Variants in NUMBL observed in about 807,000 individuals in gnomAD.
NUMBL encodes numb-like protein.
In NUMBL, 20 loss-of-function variants were observed where a neutral mutation model predicts 48.9. The ratio of observed to expected loss-of-function variants is 0.41; its 90% CI spans 0.29 to 0.59. The LOEUF (loss-of-function observed/expected upper bound fraction) is 0.59, where lower values mean the gene tolerates loss of function less well. Among genes scored for constraint, NUMBL ranks in the 20% least tolerant of loss-of-function variants. NUMBL has a pLI of 0.31. For synonymous variants in NUMBL, 340 were observed against 348.7 expected (o/e 0.98, Z 0.28); for missense variants, 660 against 846.2 (o/e 0.78, Z 2.73).
In NUMBL at chr19:40,673,242, T is replaced by C. The variant is rs912011518; in HGVS notation, c.1036+102A>G. 4.9e-6 allele frequency: 6 copies of C among 1,225,318 alleles called. No individual in the cohort carries two copies. Among genetic ancestry groups the C allele is most frequent in the Non-Finnish European group, 5.6e-6 (5 of 895,552 alleles). 75.9% of individuals were successfully genotyped at this position (1,225,318 alleles called of 1,614,324 possible). ...TCTCTCCTTTGCCCATGGCAGACAG[T>C]GCAAATCAATCACAGTGTGAACCAT... On this transcript the variant is annotated intron_variant, in intron 8 of 9. Coordinates refer to ENST00000252891, the MANE Select transcript of NUMBL (RefSeq NM_004756.5). The surrounding 1 kb of genome is among the most constrained non-coding windows in gnomAD (Gnocchi z 5.9).
At position 40,667,479 on chromosome 19, in the gene NUMBL, T is replaced by C. The variant is rs921925780; in HGVS notation, c.1819A>G (p.Ile607Val). ...FSGDLQKTFEIEL is the reference protein window; with the variant it reads ...FSGDLQKTFEVEL ...TGGGGCGGCTCGGGCTACAGTTCAATCTCGAATGTCTTTTGCAGGTCGCCA... is the reference window on the plus strand; with the variant it reads ...TGGGGCGGCTCGGGCTACAGTTCAACCTCGAATGTCTTTTGCAGGTCGCCA... The change falls in exon 10 of 10, where the codon ATT becomes GTT. Residue 607 changes from isoleucine to valine, a missense_variant. Transcript: ENST00000252891. The surrounding 1 kb of genome is among the most constrained non-coding windows in gnomAD (Gnocchi z 6.1). The C allele has an allele frequency of 2.7e-5, 44 of 1,603,120 alleles. No individual in the cohort carries two copies. Among genetic ancestry groups the C allele is most frequent in the Non-Finnish European group, 3.7e-5 (43 of 1,175,276 alleles).
chr19:40,678,264 G>A (rs1234148676), intron 6 of NUMBL, among the ~76,000 whole-genome samples: 1 of 152,154 alleles, frequency 6.6e-6, no homozygotes, highest in Non-Finnish European at 1.5e-5. Context: ...CCGGCTTCAA[G>A]CGATTCTCCT....
At chr19:40,677,107 C>T (rs2081880248) in intron 7 of NUMBL, 125 bp downstream of exon 7, 1 of 1,054,536 alleles carries the variant, frequency 9.5e-7, no homozygotes, top group Non-Finnish European at 1.4e-6. Flanking sequence ...AACCATGGCG[C>T]TTGGCCTGAA....
At chr19:40,671,248 G>T (rs897178869) in intron 8 of NUMBL, among the ~76,000 whole-genome samples, 1 of 152,020 alleles carries the variant, frequency 6.6e-6, no homozygotes, top group African/African-American at 2.4e-5. Flanking sequence ...CAAAGTGCTG[G>T]GATTACAGGT....
intron 6 of NUMBL, among the ~76,000 whole-genome samples, chr19:40,680,679 G>A (rs1036929297): frequency 1.3e-5 from 2 of 152,066 alleles, no homozygotes; most frequent in Admixed American, 1.3e-4. Context: ...GAACTCCTGA[G>A]CTCAGGCAAT....
chr19:40,668,164 G>A (rs1404636892), intron 9 of NUMBL, 26 bp from the exon 10 acceptor site: 1 of 1,561,398 alleles, frequency 6.4e-7, no homozygotes, highest in East Asian at 2.3e-5. Context: ...GGACAGGTGA[G>A]GGAGGGGGCA....
At chr19:40,674,163 C>T (rs559329874) in intron 7 of NUMBL, among the ~76,000 whole-genome samples, 1 of 152,246 alleles carries the variant, frequency 6.6e-6, no homozygotes, top group East Asian at 1.9e-4. Context: ...TGACTCTGGA[C>T]CCCATGCTCC....
At chr19:40,676,935 CT>C (rs2081879255) in intron 7 of NUMBL, among the ~76,000 whole-genome samples, 1 of 152,086 alleles carries the variant, frequency 6.6e-6, no homozygotes, top group African/African-American at 2.4e-5. Flanking sequence ...CTGCCTCAGC[CT>C]CCCAAGTAGT....
At chr19:40,676,347 C>G (rs139564072) in intron 7 of NUMBL, among the ~76,000 whole-genome samples, 1 of 151,954 alleles carries the variant, frequency 6.6e-6, no homozygotes, top group African/African-American at 2.4e-5. Context: ...GAGCTGTGAT[C>G]GCACCACTGC....
Position 40,667,789 on chromosome 19 carries a change from G to T in NUMBL, c.1509C>A (p.Pro503=). ...AYPGLGYPPM[P]RVPVVGITPS... ...GTGTGATGCCCACCACGGGCACCCG[G>T]GGCATCGGTGGGTAGCCCAAGCCCG... Residue 503 remains proline (P), a synonymous_variant, in exon 10 of 10, where the codon CCC becomes CCA. Transcript: ENST00000252891. This position sits in a 1 kb window ranked among gnomAD's most constrained non-coding sequence, Gnocchi z 6.1. 1.3e-6 allele frequency: 2 copies of T among 1,581,490 alleles called. No homozygotes were observed. Among genetic ancestry groups the T allele is most frequent in the East Asian group, 4.6e-5 (2 of 43,082 alleles).
Position 40,687,312 on chromosome 19 carries a change from A to C in NUMBL, c.25-317T>G, listed in dbSNP as rs1309936072. ...CTACACACATACGCAGCCAACTCATATCTACAGGTGTCCCTAGCATCTGGC... is the reference window on the plus strand; with the variant it reads ...CTACACACATACGCAGCCAACTCATCTCTACAGGTGTCCCTAGCATCTGGC... On this transcript the variant is annotated intron_variant, in intron 1 of 9. Transcript: ENST00000252891. The surrounding 1 kb of genome is among the most constrained non-coding windows in gnomAD (Gnocchi z 4.6). Among the ~76,000 whole-genome samples, 1 of 152,164 alleles carries C rather than the reference A, an allele frequency of 6.6e-6. No individual in the cohort carries two copies. The highest frequency in any genetic ancestry group is 2.4e-5 in the African/African-American group (1 of 41,424).
At chr19:40,681,543 G>T (rs976720067) in intron 5 of NUMBL, among the ~76,000 whole-genome samples, 3 of 152,176 alleles carry the variant, frequency 2.0e-5, no homozygotes, top group African/African-American at 7.2e-5. Context: ...CAGATTCAAG[G>T]TGAGCAAACA....
chr19:40,668,525 C>G (rs922931486), intron 9 of NUMBL, among the ~76,000 whole-genome samples: 1 of 152,174 alleles, frequency 6.6e-6, no homozygotes, highest in Non-Finnish European at 1.5e-5. Context: ...GATGCCCTAT[C>G]TGGGCTCACT....
chr19:40,669,879 G>A lies in NUMBL; in HGVS notation c.1159+19C>T. ...GAGGGACATGCAGGGTGTCTGCCCA[G>A]CAGAAAGCCTGGCTTTACCTGTTGT... On this transcript the variant is annotated intron_variant, in intron 9 of 9. Transcript: ENST00000252891. 1 of 1,610,850 alleles carries A rather than the reference G, an allele frequency of 6.2e-7. No individual in the cohort carries two copies. Among genetic ancestry groups the A allele is most frequent in the Non-Finnish European group, 8.5e-7 (1 of 1,178,374 alleles).
chr19:40,667,123 A>C lies in NUMBL; in HGVS notation c.*345T>G. ...CCCCTCCATCCTGTCCAACACTGGA[A>C]GGTGGGGGTCAACAGAAACTGGGAA... On this transcript the variant is annotated 3_prime_UTR_variant, in exon 10 of 10. Coordinates refer to ENST00000252891, the MANE Select transcript of NUMBL (RefSeq NM_004756.5). This position sits in a 1 kb window ranked among gnomAD's most constrained non-coding sequence, Gnocchi z 6.1. 1 of 318,228 alleles carries C rather than the reference A, an allele frequency of 3.1e-6. No homozygotes were observed. Among genetic ancestry groups the C allele is most frequent in the Non-Finnish European group, 6.0e-6 (1 of 166,286 alleles). 19.7% of individuals were successfully genotyped at this position (318,228 alleles called of 1,614,324 possible).
chr19:40,687,949 G>A lies in NUMBL; in HGVS notation c.25-954C>T, dbSNP rs2081943226. ...CGTGGTCACACATACTCAGTCATAG[G>A]TGCTCAAATCTGGTCACAGCATCAG... On this transcript the variant is annotated intron_variant, in intron 1 of 9. Coordinates refer to ENST00000252891, the MANE Select transcript of NUMBL (RefSeq NM_004756.5). The surrounding 1 kb of genome is among the most constrained non-coding windows in gnomAD (Gnocchi z 4.6). Among the ~76,000 whole-genome samples, 1 of 152,172 alleles carries A rather than the reference G, an allele frequency of 6.6e-6. No individual in the cohort carries two copies. The highest frequency in any genetic ancestry group is 6.5e-5 in the Admixed American group (1 of 15,280).
intron 7 of NUMBL, among the ~76,000 whole-genome samples, chr19:40,676,462 G>C (rs1271862098): frequency 6.6e-6 from 1 of 152,036 alleles, no homozygotes; most frequent in Admixed American, 6.6e-5. Flanking sequence ...TTAATACACA[G>C]GTTGAAAAGC....
At chr19:40,674,904 C>CA (rs1161250944) in intron 7 of NUMBL, among the ~76,000 whole-genome samples, 1 of 151,946 alleles carries the variant, frequency 6.6e-6, no homozygotes, top group East Asian at 1.9e-4. Context: ...TTTGAGAGGC[C>CA]AAGGTGGGGG....
At position 40,668,135 on chromosome 19, in the gene NUMBL, G is replaced by T. The variant is rs775758612; in HGVS notation, c.1163C>A (p.Thr388Asn). Residue 388 changes from threonine to asparagine, a missense_variant, in exon 10 of 10, where the codon ACT (threonine) becomes AAT (asparagine). Coordinates refer to ENST00000252891, the MANE Select transcript of NUMBL (RefSeq NM_004756.5). ...APGPPPATTG[T>N]SAWGEPSVPP... is the part of the protein sequence containing the mutation. Reference sequence around the variant, plus strand: ...CACGGAGGGCTCACCCCAGGCAGAAGTCCCTGGAGAGAGGAGAGGGACAGG... The same window carrying T: ...CACGGAGGGCTCACCCCAGGCAGAATTCCCTGGAGAGAGGAGAGGGACAGG... The T allele has an allele frequency of 6.3e-7, 1 of 1,593,482 alleles. No individual in the cohort carries two copies. The highest frequency in any genetic ancestry group is 1.3e-5 in the African/African-American group (1 of 74,594).
Sources: allele counts gnomAD v4.1 joint callset (sites outside exome capture counted in the v4.1 genomes callset), GRCh38; gene constraint gnomAD v4.1.1; non-coding constraint Gnocchi (gnomAD v3.1); transcripts MANE v1.5; gene names NCBI Gene and HGNC (gene_info 2026-07-23, HGNC 2026-07-21).